The following ROBO2 variants were observed in gnomAD, a reference collection of about 807,000 sequenced individuals.
ROBO2 encodes roundabout guidance receptor 2, also known as roundabout homolog 2.
ROBO2 carries 53 observed loss-of-function variants against 160.8 expected under a neutral mutation model. That is an observed-to-expected ratio of 0.33 (90% CI 0.26 to 0.41). ROBO2 has a LOEUF of 0.41. Ranked by LOEUF, ROBO2 falls within the 10% of genes least tolerant of loss-of-function variation. The pLI is 1.00. For synonymous variants in ROBO2, 664 were observed against 611.7 expected, an observed-to-expected ratio of 1.09 and a Z score of -1.26; for missense variants, 1,577 against 1,722.4, an observed-to-expected ratio of 0.92 and a Z score of 1.49.
chr3:77,040,207 C>G, exon 1 of ROBO2: 1 of 986,614 alleles, frequency 1.0e-6, no homozygotes, highest in Non-Finnish European at 1.2e-6. Flanking sequence ...AGAGGCCCGC[C>G]AAGTCTGCCC....
At chr3:76,993,644 A>T (rs2060818562) in intron 2 of ROBO2, among the ~76,000 whole-genome samples, 1 of 152,032 alleles carries the variant, frequency 6.6e-6, no homozygotes, top group African/African-American at 2.4e-5. Context: ...TAACGGCTCT[A>T]CTCAAACAGG....
intron 2 of ROBO2, among the ~76,000 whole-genome samples, chr3:77,222,979 CA>C (rs2151212908): frequency 6.6e-6 from 1 of 152,220 alleles, no homozygotes; most frequent in South Asian, 2.1e-4. Context: ...AAAATAGAAT[CA>C]AATAGAATAT....
rs533474182 is a variant in ROBO2 at position 76,979,636 on chromosome 3, A to AT, written c.110-118369dup. Among the ~76,000 whole-genome samples the AT allele has an allele frequency of 2.5e-4, 36 of 143,410 alleles. No homozygotes were observed. The South Asian group carries it at 4.0e-3, about 16-fold the overall frequency. The allele number at this position is 143,410 out of a possible 152,430, so 94.1% of individuals were successfully genotyped here. ...TGTGCGCAGGTATATGTTTGATATG[A>AT]TTTTTTTTTCCTTTGGGTAGACACT... On this transcript the variant is annotated intron_variant, in intron 2 of 26. Coordinates refer to the ROBO2 transcript ENST00000487694.
At position 75,937,418 on chromosome 3, in the gene ROBO2, G is replaced by A. The variant is rs557801903; in HGVS notation, c.-13-63G>A. ...GCATATTAGATATGGGATTTGAGTC[G>A]TAGTATATTTCTCTAAGAATGTAAT... On this transcript the variant is annotated intron_variant, in intron 1 of 26. Transcript: ENST00000487694. 1,526 of 834,550 alleles carry A rather than the reference G, an allele frequency of 1.8e-3. 12 individuals carry two copies. In the African/African-American group the frequency reaches 0.02, roughly 11 times the overall value. The allele number at this position is 834,550 out of a possible 1,614,324, so 51.7% of individuals were successfully genotyped here. A position where few individuals can be genotyped will look rare whatever the true frequency, so the allele number is the denominator to read the frequency against.
At chr3:76,102,195 G>C (rs748038691) in intron 2 of ROBO2, among the ~76,000 whole-genome samples, 3 of 152,228 alleles carry the variant, frequency 2.0e-5, no homozygotes, top group Non-Finnish European at 4.4e-5. Context: ...TGGCTAGTTT[G>C]AATCTGAAAT....
At chr3:75,977,934 G>C (rs2065174329) in intron 2 of ROBO2, among the ~76,000 whole-genome samples, 1 of 151,408 alleles carries the variant, frequency 6.6e-6, no homozygotes, top group Non-Finnish European at 1.5e-5. Flanking sequence ...TCAATTTAGA[G>C]ACACTATCCT....
chr3:76,017,712 A>T lies in ROBO2; in HGVS notation c.109+80110A>T, dbSNP rs188833787. 1.5e-3 allele frequency among the ~76,000 whole-genome samples: 234 copies of T among 152,210 alleles called. 2 individuals carry two copies. The highest frequency in any genetic ancestry group is 2.1e-3 in the Non-Finnish European group (143 of 67,982). ...ACAGACACACACTCAATGTCATAGC[A>T]ATCTAATTAGAAATAAAAGTTTCTA... On this transcript the variant is annotated intron_variant, in intron 2 of 26. Transcript: ENST00000487694.
intron 2 of ROBO2, among the ~76,000 whole-genome samples, chr3:75,970,027 G>A (rs1204669120): frequency 6.6e-6 from 1 of 151,414 alleles, no homozygotes; most frequent in Admixed American, 6.6e-5. Flanking sequence ...GGTCTTACAC[G>A]TAGGCCTTTA....
exon 26 of ROBO2, chr3:77,647,874 G>A (rs948081551): frequency 6.6e-6 from 1 of 152,068 alleles, no homozygotes; most frequent in Non-Finnish European, 1.5e-5. Context: ...TTTTTGTCAC[G>A]TCGTTATAAC....
At chr3:76,462,017 C>A (rs927603427) in intron 2 of ROBO2, among the ~76,000 whole-genome samples, 1 of 152,134 alleles carries the variant, frequency 6.6e-6, no homozygotes, top group Non-Finnish European at 1.5e-5. Flanking sequence ...TCCCCACCAA[C>A]AACAACCTCA....
intron 2 of ROBO2, among the ~76,000 whole-genome samples, chr3:76,128,133 A>G (rs1250995660): frequency 1.3e-5 from 2 of 151,798 alleles, no homozygotes; most frequent in Non-Finnish European, 2.9e-5. Context: ...TGACCTCGTG[A>G]TCCACCCACC....
At chr3:76,004,568 G>A (rs1448463939) in intron 2 of ROBO2, among the ~76,000 whole-genome samples, 5 of 152,158 alleles carry the variant, frequency 3.3e-5, no homozygotes, top group African/African-American at 1.2e-4. Flanking sequence ...CTGATTCAGA[G>A]GTGGCTGTCA....
chr3:76,504,381 T>C (rs1360179585), intron 2 of ROBO2, among the ~76,000 whole-genome samples: 1 of 152,164 alleles, frequency 6.6e-6, no homozygotes, highest in Non-Finnish European at 1.5e-5. Flanking sequence ...CTAATGACCG[T>C]GAAGAACTAT....
intron 2 of ROBO2, among the ~76,000 whole-genome samples, chr3:76,479,532 T>C (rs1438397930): frequency 6.6e-6 from 1 of 152,164 alleles, no homozygotes; most frequent in Non-Finnish European, 1.5e-5. Context: ...CTGTTTATAA[T>C]ATTTCCAGCT....
At chr3:77,104,223 C>T (rs1040191295) in intron 2 of ROBO2, among the ~76,000 whole-genome samples, 1 of 152,118 alleles carries the variant, frequency 6.6e-6, no homozygotes, top group Admixed American at 6.5e-5. Context: ...CATTCCTGCA[C>T]CCTCTCACCC....
chr3:77,281,761 G>A (rs548414138), intron 2 of ROBO2, among the ~76,000 whole-genome samples: 2 of 152,294 alleles, frequency 1.3e-5, no homozygotes, highest in East Asian at 3.9e-4. Context: ...AGGAAGGATG[G>A]TTTCAGGATG....
intron 2 of ROBO2, among the ~76,000 whole-genome samples, chr3:77,200,252 CCTAA>C (rs200945181): frequency 0.045 from 3,937 of 86,970 alleles, 134 homozygotes; most frequent in African/African-American, 0.086. Context: ...GTATGTATAT[CCTAA>C]CTAACATATT....
intron 2 of ROBO2, among the ~76,000 whole-genome samples, chr3:76,454,545 T>C (rs1222181894): frequency 6.6e-6 from 1 of 152,120 alleles, no homozygotes; most frequent in Non-Finnish European, 1.5e-5. Flanking sequence ...TGAACACTAA[T>C]TTCATCCTTT....
chr3:77,546,334 A>G lies in ROBO2; in HGVS notation c.935-4A>G, dbSNP rs2092697524. 3 of 1,612,868 alleles carry G rather than the reference A, an allele frequency of 1.9e-6. No individual in the cohort carries two copies. Among genetic ancestry groups the G allele is most frequent in the South Asian group, 1.1e-5 (1 of 91,080 alleles). On this transcript the variant is annotated splice_polypyrimidine_tract_variant and splice_region_variant and intron_variant, in intron 6 of 25. Transcript: ENST00000461745. ...TACACGCTTTCTTTTCTTTTAAATT[A>G]TAGCTCCCCCACAGTTTGTGGTTCG... is the stretch of plus-strand genomic sequence containing the variant.
Sources: allele counts gnomAD v4.1 joint callset (sites outside exome capture counted in the v4.1 genomes callset), GRCh38; gene constraint gnomAD v4.1.1; transcripts MANE v1.5; gene names NCBI Gene and HGNC (gene_info 2026-07-23, HGNC 2026-07-21).